ANK3: variants seen among roughly 807,000 people sequenced by gnomAD.
ANK3 encodes the protein ankyrin-3.
A neutral mutation model predicts 370.9 loss-of-function variants in ANK3; 57 were observed. The observed-to-expected ratio is 0.15, with a 90% CI of 0.12 to 0.19. The LOEUF (loss-of-function observed/expected upper bound fraction) is 0.19, where lower values mean the gene tolerates loss of function less well. Among genes scored for constraint, ANK3 ranks in the 10% least tolerant of loss-of-function variants. The probability of loss-of-function intolerance (pLI) is 1.00; values close to 1 mark genes in which losing one functional copy is unlikely to be tolerated. For missense variants in ANK3, 4,439 were observed against 5,302.1 expected (o/e 0.84, Z 5.06); for synonymous variants, 1,929 against 1,946.3 (o/e 0.99, Z 0.23).
At chr10:60,718,997 T>C (rs2079826980) in intron 1 of ANK3, among the ~76,000 whole-genome samples, 1 of 152,162 alleles carries the variant, frequency 6.6e-6, no homozygotes, top group Non-Finnish European at 1.5e-5. Flanking sequence ...AAAGAAAAGC[T>C]AATAAATCTT....
intron 42 of ANK3, among the ~76,000 whole-genome samples, chr10:60,052,333 C>T (rs1452386456): frequency 6.6e-6 from 1 of 151,854 alleles, no homozygotes; most frequent in Non-Finnish European, 1.5e-5. Context: ...GTCTCAACAA[C>T]AACAACAACA....
chr10:60,577,284 T>C (rs1272706713), intron 2 of ANK3, among the ~76,000 whole-genome samples: 3 of 152,166 alleles, frequency 2.0e-5, no homozygotes, highest in Admixed American at 2.0e-4. Flanking sequence ...TCTCAAGTGA[T>C]GTTCCTGGGG....
intron 2 of ANK3, among the ~76,000 whole-genome samples, chr10:60,594,000 T>C (rs1470867729): frequency 6.6e-6 from 1 of 152,164 alleles, no homozygotes; most frequent in Non-Finnish European, 1.5e-5. Context: ...GTTTACGTAG[T>C]CCCATTGAAG....
rs1272684233 is a variant in ANK3, at chr10:60,072,923, C to T, written c.7958G>A (p.Gly2653Asp). 6 of 1,614,080 alleles carry T rather than the reference C, an allele frequency of 3.7e-6. No individual in the cohort carries two copies. The highest frequency in any genetic ancestry group is 5.1e-6 in the Non-Finnish European group (6 of 1,180,010). Reference sequence around the variant, plus strand: ...CTTGGGGAAGCCTTGTCCATCAGGGCCATGCTGTCTTGCCTTAACCCACTC... The same window carrying T: ...CTTGGGGAAGCCTTGTCCATCAGGGTCATGCTGTCTTGCCTTAACCCACTC... Reference protein sequence around the residue: ...NDEWVKARQHGPDGQGFPKAE... With the variant: ...NDEWVKARQHDPDGQGFPKAE... The change falls in exon 37 of 44, where the codon GGC becomes GAC. Residue 2653 changes from glycine (G) to aspartate (D), a missense_variant. Transcript: ENST00000280772.
intron 1 of ANK3, among the ~76,000 whole-genome samples, chr10:60,634,606 G>A (rs1454035887): frequency 6.6e-6 from 1 of 152,054 alleles, no homozygotes. Context: ...ATAAAAGCAG[G>A]CCACCGGAGC....
chr10:60,320,919 C>A (rs2048494312), intron 1 of ANK3, among the ~76,000 whole-genome samples: 1 of 152,092 alleles, frequency 6.6e-6, no homozygotes, highest in South Asian at 2.1e-4. Flanking sequence ...GTGACAAAAT[C>A]CTCCCAGCAA....
At chr10:60,351,518 G>A (rs1048536643) in intron 1 of ANK3, among the ~76,000 whole-genome samples, 1 of 152,114 alleles carries the variant, frequency 6.6e-6, no homozygotes, top group South Asian at 2.1e-4. Context: ...AGGAGCATTG[G>A]GGAAGTTCCT....
At chr10:60,126,217 A>C (rs772524846) in intron 25 of ANK3, among the ~76,000 whole-genome samples, 1 of 152,198 alleles carries the variant, frequency 6.6e-6, no homozygotes, top group Non-Finnish European at 1.5e-5. Flanking sequence ...CTGAAAAGGA[A>C]GTCTTCAAAA....
chr10:60,460,969 T>C (rs2064869410), intron 2 of ANK3, among the ~76,000 whole-genome samples: 1 of 152,152 alleles, frequency 6.6e-6, no homozygotes, highest in Non-Finnish European at 1.5e-5. Flanking sequence ...AGAAAGACAC[T>C]AACACCCAGA....
intron 1 of ANK3, among the ~76,000 whole-genome samples, chr10:60,699,885 A>C (rs1260761553): frequency 1.3e-5 from 2 of 152,190 alleles, no homozygotes; most frequent in Non-Finnish European, 2.9e-5. Context: ...CATCATCAAC[A>C]ACTGTTTAAA....
At chr10:60,504,443 T>A (rs906863589) in intron 2 of ANK3, among the ~76,000 whole-genome samples, 1 of 152,172 alleles carries the variant, frequency 6.6e-6, no homozygotes. Context: ...CCATAAGGAT[T>A]TGATTATAAT....
At chr10:60,644,160 G>T (rs1277677780) in intron 1 of ANK3, among the ~76,000 whole-genome samples, 1 of 152,156 alleles carries the variant, frequency 6.6e-6, no homozygotes, top group Admixed American at 6.5e-5. Context: ...AGTAATGAAT[G>T]TAAGATGACT....
chr10:60,390,627 C>G (rs1299604988), upstream of ANK3, among the ~76,000 whole-genome samples: 1 of 151,828 alleles, frequency 6.6e-6, no homozygotes, highest in Non-Finnish European at 1.5e-5. Flanking sequence ...AGTCGGGAGT[C>G]ATTTGCACAC....
At chr10:60,674,668 C>T (rs540282744) in intron 1 of ANK3, among the ~76,000 whole-genome samples, 1 of 152,096 alleles carries the variant, frequency 6.6e-6, no homozygotes, top group Non-Finnish European at 1.5e-5. Flanking sequence ...GAAAATAATG[C>T]CCAAGTCAAG....
intron 2 of ANK3, among the ~76,000 whole-genome samples, chr10:60,415,916 G>GCCCCCGC (rs2063653458): frequency 1.2e-5 from 1 of 81,190 alleles, no homozygotes; most frequent in Non-Finnish European, 2.6e-5. Context: ...CTGAATTTGT[G>GCCCCCGC]CCCCCCACCC....
intron 42 of ANK3, among the ~76,000 whole-genome samples, chr10:60,054,941 A>AG (rs1398562876): frequency 6.6e-6 from 1 of 152,218 alleles, no homozygotes. Flanking sequence ...AAATACTTTT[A>AG]ATATCTAAAA....
intron 25 of ANK3, among the ~76,000 whole-genome samples, chr10:60,119,989 G>T (rs2093366617): frequency 1.3e-5 from 2 of 151,960 alleles, no homozygotes; most frequent in Non-Finnish European, 2.9e-5. Context: ...AACTACAAAA[G>T]ACTCAGAACA....
intron 1 of ANK3, among the ~76,000 whole-genome samples, chr10:60,673,428 G>A (rs2079086260): frequency 6.6e-6 from 1 of 151,932 alleles, no homozygotes; most frequent in Non-Finnish European, 1.5e-5. Flanking sequence ...TCGGCTCACT[G>A]CAACCTCTGC....
At chr10:60,469,967 A>C (rs1258335463) in intron 2 of ANK3, among the ~76,000 whole-genome samples, 1 of 152,012 alleles carries the variant, frequency 6.6e-6, no homozygotes, top group Non-Finnish European at 1.5e-5. Context: ...CTTCTATAAT[A>C]ATCTATTTAT....
Sources: gnomAD v4.1 joint callset for allele counts (sites outside exome capture counted in the v4.1 genomes callset) on GRCh38, gnomAD v4.1.1 for gene constraint, MANE v1.5 for transcripts, NCBI Gene and HGNC (gene_info 2026-07-23, HGNC 2026-07-21) for gene names.